The following CDH13 variants were observed in gnomAD, a reference collection of about 807,000 sequenced individuals.
CDH13 encodes the protein cadherin 13, also known as cadherin-13.
A neutral mutation model predicts 63.8 loss-of-function variants in CDH13; 24 were observed. The ratio of observed to expected loss-of-function variants is 0.38; its 90% CI spans 0.27 to 0.53. The LOEUF is 0.53. CDH13 is among the 20% of genes least tolerant of loss of function. CDH13 has a pLI of 0.85. For missense variants in CDH13, 1,049 were observed against 903.1 expected (o/e 1.16, Z -2.07); for synonymous variants, 503 against 355.3 (o/e 1.42, Z -4.67).
chr16:83,524,866 G>A (rs1270883476), intron 7 of CDH13, among the ~76,000 whole-genome samples: 1 of 152,124 alleles, frequency 6.6e-6, no homozygotes, highest in Non-Finnish European at 1.5e-5. Flanking sequence ...ACACAGAAAA[G>A]CCACAGGGAT....
intron 3 of CDH13, among the ~76,000 whole-genome samples, chr16:83,079,120 C>G (rs2033057570): frequency 6.6e-6 from 1 of 152,116 alleles, no homozygotes; most frequent in Non-Finnish European, 1.5e-5. Context: ...TTGAAGTTCA[C>G]ACTCCACATT....
In CDH13 at chr16:83,062,323, A is replaced by G. The variant is rs557891557; in HGVS notation, c.366+30105A>G. ...GCATTTGTTACACTTTCACATTTTTAAAAGCGTTGTTTCTTTTTTTGTTTT... is the reference window on the plus strand; with the variant it reads ...GCATTTGTTACACTTTCACATTTTTGAAAGCGTTGTTTCTTTTTTTGTTTT... On this transcript the variant is annotated intron_variant, in intron 3 of 13. Transcript: ENST00000567109. Among the ~76,000 whole-genome samples, 3 of 152,300 alleles carry G rather than the reference A, an allele frequency of 2.0e-5. No homozygotes were observed. In the East Asian group the frequency reaches 5.8e-4, roughly 29 times the overall value.
intron 6 of CDH13, among the ~76,000 whole-genome samples, chr16:83,377,122 C>T (rs1443712326): frequency 3.9e-5 from 6 of 152,106 alleles, no homozygotes; most frequent in Admixed American, 1.3e-4. Flanking sequence ...CCAGCTGAGT[C>T]CTTCCTGAAT....
intron 10 of CDH13, among the ~76,000 whole-genome samples, chr16:83,724,965 G>A (rs382419): frequency 1.3e-5 from 2 of 152,100 alleles, no homozygotes; most frequent in Non-Finnish European, 2.9e-5. Context: ...TGCAAATTAA[G>A]CCCTGATTCA....
chr16:83,002,935 G>A (rs1262257388), intron 2 of CDH13, among the ~76,000 whole-genome samples: 1 of 152,178 alleles, frequency 6.6e-6, no homozygotes, highest in Non-Finnish European at 1.5e-5. Context: ...CTTATCTATT[G>A]AGCATGTACC....
intron 2 of CDH13, among the ~76,000 whole-genome samples, chr16:82,892,930 A>G (rs1197910448): frequency 1.3e-5 from 2 of 152,360 alleles, no homozygotes; most frequent in African/African-American, 4.8e-5. Flanking sequence ...ACACATTTTG[A>G]CATTTGGCTC....
intron 6 of CDH13, among the ~76,000 whole-genome samples, chr16:83,474,567 T>G (rs1259787474): frequency 6.6e-6 from 1 of 152,182 alleles, no homozygotes; most frequent in Non-Finnish European, 1.5e-5. Flanking sequence ...GGCCCACATC[T>G]GGTGGGTCCC....
In CDH13 at chr16:82,934,393, TG is replaced by T. The variant is rs201077949; in HGVS notation, c.157+75926del. ...ACTAAGTCCTTAGGCTGCACACAGC[TG>T]GGGGGCCCTGGCTCCAGCCCACAAA... On this transcript the variant is annotated intron_variant, in intron 2 of 13. Transcript: ENST00000567109. Among the ~76,000 whole-genome samples the T allele has an allele frequency of 6.9e-3, 1,053 of 152,224 alleles. 7 individuals carry two copies. The highest frequency in any genetic ancestry group is 0.027 in the Middle Eastern group (8 of 294).
At chr16:82,868,759 A>C (rs2040242533) in intron 2 of CDH13, among the ~76,000 whole-genome samples, 1 of 152,176 alleles carries the variant, frequency 6.6e-6, no homozygotes, top group Admixed American at 6.5e-5. Context: ...TGATAAAAGG[A>C]ATTTGTCATT....
At chr16:83,606,166 T>C (rs1598359935) in intron 8 of CDH13, among the ~76,000 whole-genome samples, 1 of 152,302 alleles carries the variant, frequency 6.6e-6, no homozygotes, top group East Asian at 1.9e-4. Flanking sequence ...TGGTGATCAT[T>C]TGGAGTTGAG....
intron 6 of CDH13, among the ~76,000 whole-genome samples, chr16:83,438,026 C>G (rs1000603543): frequency 1.3e-5 from 2 of 152,152 alleles, no homozygotes; most frequent in African/African-American, 2.4e-5. Flanking sequence ...CCACCCCTCA[C>G]CGGTCTCCCT....
chr16:82,959,803 T>C lies in CDH13; in HGVS notation c.158-72207T>C, dbSNP rs534000748. Among the ~76,000 whole-genome samples, 4 of 152,332 alleles carry C rather than the reference T, an allele frequency of 2.6e-5. No individual in the cohort carries two copies. The East Asian group carries it at 5.8e-4, about 22-fold the overall frequency. On this transcript the variant is annotated intron_variant, in intron 2 of 13. Transcript: ENST00000567109. ...ACGGTTGTTGTTGTTTTTAACCCTCTACCTGCTGAAAGACATCTGGTTTGC... is the reference window on the plus strand; with the variant it reads ...ACGGTTGTTGTTGTTTTTAACCCTCCACCTGCTGAAAGACATCTGGTTTGC...
intron 7 of CDH13, among the ~76,000 whole-genome samples, chr16:83,504,154 C>A (rs1318567682): frequency 6.6e-6 from 1 of 152,160 alleles, no homozygotes; most frequent in African/African-American, 2.4e-5. Flanking sequence ...GCCCGTTCCT[C>A]TGAATGGACA....
chr16:83,085,287 A>T (rs996668996), intron 3 of CDH13, among the ~76,000 whole-genome samples: 3 of 152,196 alleles, frequency 2.0e-5, no homozygotes, highest in African/African-American at 7.2e-5. Context: ...ATTCACTATC[A>T]TGAGAATAGC....
intron 8 of CDH13, among the ~76,000 whole-genome samples, chr16:83,635,982 T>C (rs1401201494): frequency 2.6e-5 from 4 of 152,186 alleles, no homozygotes; most frequent in Admixed American, 2.0e-4. Flanking sequence ...GATTTTTTTA[T>C]GTAAAGTGTA....
chr16:82,694,612 C>G (rs1009519868), intron 1 of CDH13, among the ~76,000 whole-genome samples: 1 of 152,138 alleles, frequency 6.6e-6, no homozygotes, highest in Non-Finnish European at 1.5e-5. Flanking sequence ...TAATACTCAG[C>G]TTTTTTGGTG....
At chr16:83,060,919 C>T (rs1339859658) in intron 3 of CDH13, among the ~76,000 whole-genome samples, 2 of 152,184 alleles carry the variant, frequency 1.3e-5, no homozygotes, top group Non-Finnish European at 2.9e-5. Context: ...CATTTTCTCT[C>T]ACCTGAAAGC....
At chr16:83,107,216 C>T (rs573702452) in intron 3 of CDH13, among the ~76,000 whole-genome samples, 21 of 152,194 alleles carry the variant, frequency 1.4e-4, no homozygotes, top group Non-Finnish European at 2.8e-4. Flanking sequence ...GTTGGCCAGG[C>T]AGGTAGCTAA....
intron 1 of CDH13, among the ~76,000 whole-genome samples, chr16:82,809,538 T>C (rs73606817): frequency 0.021 from 3,266 of 152,234 alleles, 101 homozygotes; most frequent in African/African-American, 0.073. Context: ...TCTATCAGAA[T>C]ACTAACCCTG....
Sources: gnomAD v4.1 joint callset for allele counts (sites outside exome capture counted in the v4.1 genomes callset) on GRCh38, gnomAD v4.1.1 for gene constraint, MANE v1.5 for transcripts, NCBI Gene and HGNC (gene_info 2026-07-23, HGNC 2026-07-21) for gene names.